The following FAM184A variants were observed in gnomAD, a reference collection of about 807,000 sequenced individuals.
FAM184A encodes protein FAM184A.
Under a neutral mutation model 143.8 loss-of-function variants are expected in FAM184A, and 99 were observed. The ratio of observed to expected loss-of-function variants is 0.69; its 90% confidence interval spans 0.58 to 0.81. The LOEUF (loss-of-function observed/expected upper bound fraction) is 0.81. FAM184A is among the 40% of genes least tolerant of loss of function. The probability of loss-of-function intolerance (pLI) is 0.00; values close to 1 mark genes in which losing one functional copy is unlikely to be tolerated. For missense variants in FAM184A, 1,217 were observed against 1,310.5 expected, an observed-to-expected ratio of 0.93 and a Z score of 1.10; for synonymous variants, 427 against 446.4, an observed-to-expected ratio of 0.96 and a Z score of 0.55.
chr6:119,109,371 C>G (rs1788871161), intron 1 of FAM184A, among the ~76,000 whole-genome samples: 1 of 152,236 alleles, frequency 6.6e-6, no homozygotes, highest in South Asian at 2.1e-4. Context: ...CTCAGCCTCT[C>G]TCACAGTCAC....
intron 1 of FAM184A, among the ~76,000 whole-genome samples, chr6:119,068,231 G>A (rs1402771806): frequency 6.6e-6 from 1 of 151,968 alleles, no homozygotes; most frequent in Non-Finnish European, 1.5e-5. Context: ...ATTTTTAGTA[G>A]AGACAGGGTT....
intron 3 of FAM184A, among the ~76,000 whole-genome samples, chr6:119,022,596 C>T (rs975291567): frequency 2.0e-5 from 3 of 151,938 alleles, no homozygotes; most frequent in East Asian, 3.9e-4. Flanking sequence ...GTGTTGGGGC[C>T]GAGCGTGGTG....
rs767286421 is a variant in FAM184A at position 119,024,078 on chromosome 6, G to A, written c.895C>T (p.Arg299Ter). Reference sequence around the variant, plus strand: ...GTCTTTAATTTTCCTATAGTTTTTCGTAAAATTGCTTCTTGTCCCTGAAAT... The same window carrying A: ...GTCTTTAATTTTCCTATAGTTTTTCATAAAATTGCTTCTTGTCCCTGAAAT... Reference protein sequence around the residue: ...KEFQGQEAILRKTIGKLKTEL... With the variant: ...KEFQGQEAIL Residue 299 changes from arginine to a stop codon, truncating the protein, a stop_gained, in exon 2 of 18, where the codon CGA becomes TGA. Coordinates refer to ENST00000338891, the MANE Select transcript of FAM184A (RefSeq NM_024581.6). LOFTEE classifies it high-confidence loss of function. The A allele has an allele frequency of 3.0e-5, 48 of 1,613,904 alleles. No individual in the cohort carries two copies. The highest frequency in any genetic ancestry group is 3.7e-5 in the Non-Finnish European group (44 of 1,180,004).
At chr6:119,017,597 T>C (rs567383502) in intron 4 of FAM184A, among the ~76,000 whole-genome samples, 11 of 152,292 alleles carry the variant, frequency 7.2e-5, no homozygotes, top group Admixed American at 3.9e-4. Flanking sequence ...CAATACAATT[T>C]TGAATGCCAA....
chr6:119,038,322 G>A (rs1337761586), intron 1 of FAM184A, among the ~76,000 whole-genome samples: 1 of 152,232 alleles, frequency 6.6e-6, no homozygotes, highest in East Asian at 1.9e-4. Context: ...TAGGAGCTGA[G>A]TAAAATGAGG....
At chr6:119,144,065 C>T (rs549785870) in intron 1 of FAM184A, among the ~76,000 whole-genome samples, 5 of 152,092 alleles carry the variant, frequency 3.3e-5, no homozygotes, top group South Asian at 4.1e-4. Context: ...TTGTTTCTCA[C>T]GCCTGTAATC....
chr6:118,964,968 C>T (rs533362547), intron 15 of FAM184A, among the ~76,000 whole-genome samples, 197 bp from the exon 16 acceptor site: 50 of 152,242 alleles, frequency 3.3e-4, no homozygotes, highest in African/African-American at 1.2e-3. Context: ...ACCTTTTAAA[C>T]CCCATACCCG....
chr6:119,110,254 T>C (rs1788899267), intron 1 of FAM184A, among the ~76,000 whole-genome samples: 1 of 152,156 alleles, frequency 6.6e-6, no homozygotes, highest in Non-Finnish European at 1.5e-5. Context: ...GGTGGTCTCA[T>C]CGTTACAGTA....
chr6:119,058,594 C>G (rs74744522), intron 1 of FAM184A, among the ~76,000 whole-genome samples: 7,976 of 152,238 alleles, frequency 0.052, 278 homozygotes, highest in African/African-American at 0.096. Flanking sequence ...ACTTCTGAGT[C>G]TAGGTCAGTA....
chr6:119,023,909 T>C lies in FAM184A; in HGVS notation c.1014+50A>G, dbSNP rs769877589. 4.0e-6 allele frequency: 6 copies of C among 1,494,232 alleles called. No individual in the cohort carries two copies. In the East Asian group the frequency reaches 1.4e-4, roughly 34 times the overall value. The allele number at this position is 1,494,232 out of a possible 1,614,324, so 92.6% of individuals were successfully genotyped here. A position where few individuals can be genotyped will look rare whatever the true frequency, so the allele number is the denominator to read the frequency against. On this transcript the variant is annotated intron_variant, in intron 2 of 17. Coordinates refer to ENST00000338891, the MANE Select transcript of FAM184A (RefSeq NM_024581.6). ...TGCTCTCCAGCCTACAAAACAAATA[T>C]TTTTAAAAGAAAAAAAATCCATGTG... is the stretch of plus-strand genomic sequence containing the variant.
chr6:119,116,349 C>T (rs919892623), intron 1 of FAM184A, among the ~76,000 whole-genome samples: 12 of 151,854 alleles, frequency 7.9e-5, no homozygotes, highest in African/African-American at 2.2e-4. Flanking sequence ...CACTGGGGAT[C>T]ACTAGATGAG....
At chr6:119,115,359 T>C (rs1364088213) in intron 1 of FAM184A, among the ~76,000 whole-genome samples, 1 of 152,078 alleles carries the variant, frequency 6.6e-6, no homozygotes, top group East Asian at 1.9e-4. Flanking sequence ...CCTGCAGAAG[T>C]AGGATAGACC....
rs1369710338 is a variant in FAM184A, at chr6:118,961,813, T to C, written c.3289A>G (p.Ser1097Gly). 1 of 1,613,960 alleles carries C rather than the reference T, an allele frequency of 6.2e-7. No homozygotes were observed. Among genetic ancestry groups the C allele is most frequent in the African/African-American group, 1.3e-5 (1 of 75,034 alleles). Residue 1097 changes from serine to glycine, a missense_variant, in exon 17 of 18, where the codon AGC becomes GGC. Transcript: ENST00000338891. ...SPVHDIEFNS[S>G]KPLPQPVPPK... is the part of the protein sequence containing the mutation. ...GGCACTGGCTGTGGAAGTGGTTTGC[T>C]GCTGTTGAACTCAATATCGTGGACT...
chr6:119,020,058 C>A lies in FAM184A; in HGVS notation c.1252G>T (p.Glu418Ter). 6.2e-7 allele frequency: 1 copy of A among 1,608,350 alleles called. No homozygotes were observed. Among genetic ancestry groups the A allele is most frequent in the South Asian group, 1.1e-5 (1 of 89,572 alleles). ...SRVNERLSQLEEERAFLRSKT... is the reference protein window; with the variant it reads ...SRVNERLSQL ...CTTCGCAAAAAAGCTCTTTCCTCTTCAAGTTGAGATAATCTCTCATTGACT... is the reference window on the plus strand; with the variant it reads ...CTTCGCAAAAAAGCTCTTTCCTCTTAAAGTTGAGATAATCTCTCATTGACT... Residue 418 changes from glutamate to a stop codon, truncating the protein, a stop_gained, in exon 4 of 18, where the codon GAA (glutamate) becomes TAA (stop). Coordinates refer to ENST00000338891, the MANE Select transcript of FAM184A (RefSeq NM_024581.6). LOFTEE classifies it high-confidence loss of function.
intron 9 of FAM184A, among the ~76,000 whole-genome samples, chr6:118,991,303 C>T (rs983308404): frequency 3.2e-4 from 48 of 151,924 alleles, no homozygotes; most frequent in African/African-American, 1.1e-3. Flanking sequence ...GCTGGGATTA[C>T]AGGTGTGTGC....
chr6:119,058,052 A>G (rs1787065378), intron 1 of FAM184A: 3 of 151,824 alleles, frequency 2.0e-5, no homozygotes, highest in Admixed American at 2.0e-4. Flanking sequence ...TATTCCCTGA[A>G]AGTGTACATT....
intron 1 of FAM184A, among the ~76,000 whole-genome samples, chr6:119,075,352 G>A (rs1208551704): frequency 6.6e-6 from 1 of 152,088 alleles, no homozygotes; most frequent in African/African-American, 2.4e-5. Context: ...ACTCATATTG[G>A]TATATGTCTT....
chr6:119,106,822 A>G (rs1788799147), intron 1 of FAM184A, among the ~76,000 whole-genome samples: 1 of 152,242 alleles, frequency 6.6e-6, no homozygotes, highest in Non-Finnish European at 1.5e-5. Flanking sequence ...ATTTCACACT[A>G]CAAAAAGTTC....
At chr6:119,021,389 C>G (rs946650665) in intron 3 of FAM184A, among the ~76,000 whole-genome samples, 2 of 152,192 alleles carry the variant, frequency 1.3e-5, no homozygotes, top group African/African-American at 4.8e-5. Flanking sequence ...GCATACCAGC[C>G]ACTTGAGAAA....
Sources: gnomAD v4.1 joint callset for allele counts (sites outside exome capture counted in the v4.1 genomes callset) on GRCh38, gnomAD v4.1.1 for gene constraint, MANE v1.5 for transcripts, NCBI Gene and HGNC (gene_info 2026-07-23, HGNC 2026-07-21) for gene names.